Variants in SLC36A2 observed in about 807,000 individuals in gnomAD.
The protein encoded by SLC36A2 is solute carrier family 36 member 2.
A neutral mutation model predicts 42.7 loss-of-function variants in SLC36A2; 39 were observed. That is an observed-to-expected ratio of 0.91 (90% CI 0.71 to 1.19). The LOEUF (loss-of-function observed/expected upper bound fraction) is 1.19, where lower values mean the gene tolerates loss of function less well. Among genes scored for constraint, SLC36A2 ranks in the 50% most tolerant of loss-of-function variants. The probability of loss-of-function intolerance (pLI) is 0.00; values close to 1 mark genes in which losing one functional copy is unlikely to be tolerated. For synonymous variants in SLC36A2, 237 were observed against 240.8 expected (o/e 0.98, Z 0.15); for missense variants, 590 against 613.7 (o/e 0.96, Z 0.41).
chr5:151,318,526 A>AAATG (rs1428987349), intron 9 of SLC36A2, among the ~76,000 whole-genome samples: 1 of 119,370 alleles, frequency 8.4e-6, no homozygotes, highest in African/African-American at 3.8e-5. Flanking sequence ...ATAAAAATAT[A>AAATG]ATAATTATTT....
chr5:151,329,164 A>G (rs1755927688), intron 7 of SLC36A2, among the ~76,000 whole-genome samples: 1 of 152,248 alleles, frequency 6.6e-6, no homozygotes, highest in South Asian at 2.1e-4. Flanking sequence ...GGCTTTGAAA[A>G]CTGAACTACT....
intron 4 of SLC36A2, among the ~76,000 whole-genome samples, chr5:151,341,578 T>G (rs1756346340): frequency 6.6e-6 from 1 of 152,024 alleles, no homozygotes; most frequent in South Asian, 2.1e-4. Flanking sequence ...GGACAAAGGG[T>G]GTTAACCTGT....
At chr5:151,344,998 C>T (rs1010412662) in intron 1 of SLC36A2, among the ~76,000 whole-genome samples, 1 of 152,134 alleles carries the variant, frequency 6.6e-6, no homozygotes, top group Non-Finnish European at 1.5e-5. Context: ...GGCATCAAGG[C>T]TGGAGAGTGC....
At chr5:151,336,696 C>T (rs1756168146) in intron 5 of SLC36A2, among the ~76,000 whole-genome samples, 1 of 150,420 alleles carries the variant, frequency 6.6e-6, no homozygotes, top group Non-Finnish European at 1.5e-5. Context: ...GTCCCCCACC[C>T]CCCCACACAT....
At chr5:151,329,952 G>A (rs1485148372) in intron 7 of SLC36A2, among the ~76,000 whole-genome samples, 1 of 152,134 alleles carries the variant, frequency 6.6e-6, no homozygotes, top group African/African-American at 2.4e-5. Context: ...CATATACTCA[G>A]GTTCTGCAGG....
rs1260524453 is a variant in SLC36A2, at chr5:151,343,545, G to A, written c.309C>T (p.His103=). The change falls in exon 3 of 10, where the codon CAC becomes CAT. Residue 103 remains histidine, a synonymous_variant. Transcript: ENST00000335244. ...AGCGCTGGGCACACTTGACCAGGAT[G>A]TGCATACAGTGGCAGGCAATGAAGC... ...VMGFIACHCM[H]ILVKCAQRFC... 2 of 1,614,098 alleles carry A rather than the reference G, an allele frequency of 1.2e-6. No individual in the cohort carries two copies. Among genetic ancestry groups the A allele is most frequent in the Non-Finnish European group, 1.7e-6 (2 of 1,180,050 alleles).
At chr5:151,347,147 G>C in intron 1 of SLC36A2, 150 bp downstream of exon 1, 1 of 907,920 alleles carries the variant, frequency 1.1e-6, no homozygotes, top group Non-Finnish European at 1.8e-6. Flanking sequence ...TTCTGCCTCA[G>C]CTTGACTCAG....
In SLC36A2 at chr5:151,316,754, A is replaced by AAAAG. The variant is rs2127281366; in HGVS notation, c.*62_*63insCTTT. On this transcript the variant is annotated 3_prime_UTR_variant, in exon 10 of 10. Transcript: ENST00000335244. ...AAACTCCGTCTCAAAAAAAAAAAAA[A>AAAAG]AAAAAAAAAGAGATCCATATAATTA... 2.0e-6 allele frequency: 3 copies of AAAAG among 1,497,346 alleles called. No homozygotes were observed. In the South Asian group the frequency reaches 3.9e-5, roughly 20 times the overall value. The allele number at this position is 1,497,346 out of a possible 1,614,324, so 92.8% of individuals were successfully genotyped here.
chr5:151,321,711 C>T lies in SLC36A2; in HGVS notation c.1180+335G>A, dbSNP rs935782632. 2.1e-5 allele frequency among the ~76,000 whole-genome samples: 3 copies of T among 145,130 alleles called. No homozygotes were observed. In the South Asian group the frequency reaches 6.4e-4, roughly 31 times the overall value. On this transcript the variant is annotated intron_variant, in intron 9 of 9. Coordinates refer to ENST00000335244, the MANE Select transcript of SLC36A2 (RefSeq NM_181776.3). The stretch of plus-strand genomic sequence containing the variant: ...TTTTTTTTTTTTGAGATGAATCTTG[C>T]TCTGTTGCCCAGGCTGGAGTGCAGT...
Position 151,323,498 on chromosome 5 carries a change from C to T in SLC36A2, c.1011-1283G>A, listed in dbSNP as rs114906108. On this transcript the variant is annotated intron_variant, in intron 8 of 9. Transcript: ENST00000335244. ...CTCAACTTAATCCTCATGACAACTC[C>T]AGTTTATAAATGAGGCAACTGAGGT... is the stretch of plus-strand genomic sequence containing the variant. Among the ~76,000 whole-genome samples the T allele has an allele frequency of 3.0e-3, 464 of 152,286 alleles. 3 individuals are homozygous for T. The Middle Eastern group carries it at 0.058, about 19-fold the overall frequency.
chr5:151,339,279 A>T, intron 4 of SLC36A2, 135 bp from the exon 5 acceptor site: 1 of 623,346 alleles, frequency 1.6e-6, no homozygotes, highest in South Asian at 1.5e-5. Context: ...CTTCCACCAC[A>T]ATCAACAATG....
intron 6 of SLC36A2, among the ~76,000 whole-genome samples, chr5:151,333,888 T>C (rs1561657257): frequency 6.6e-6 from 1 of 152,020 alleles, no homozygotes; most frequent in Non-Finnish European, 1.5e-5. Context: ...CACCACAGAT[T>C]AGCACTGACC....
intron 7 of SLC36A2, among the ~76,000 whole-genome samples, chr5:151,326,943 G>C (rs1755869281): frequency 6.6e-6 from 1 of 151,806 alleles, no homozygotes; most frequent in African/African-American, 2.4e-5. Context: ...CTCCTGAGGA[G>C]CTGGGACTAT....
chr5:151,327,842 C>A (rs991131273), intron 7 of SLC36A2, among the ~76,000 whole-genome samples: 1 of 152,100 alleles, frequency 6.6e-6, no homozygotes, highest in Non-Finnish European at 1.5e-5. Context: ...GAGAGTCAGA[C>A]GTACTAGGTT....
chr5:151,318,777 C>G (rs1453689953), intron 9 of SLC36A2, among the ~76,000 whole-genome samples: 2 of 151,872 alleles, frequency 1.3e-5, no homozygotes, highest in Non-Finnish European at 2.9e-5. Flanking sequence ...AAAGAAGTGT[C>G]TTCTCCAGGT....
chr5:151,340,308 C>T (rs554231453), intron 4 of SLC36A2, among the ~76,000 whole-genome samples: 14 of 148,368 alleles, frequency 9.4e-5, no homozygotes, highest in African/African-American at 1.5e-4. Context: ...AAGAAGAAGA[C>T]GAGGAGGAGG....
intron 1 of SLC36A2, among the ~76,000 whole-genome samples, chr5:151,346,794 G>A (rs946519412): frequency 1.3e-5 from 2 of 152,168 alleles, no homozygotes; most frequent in Admixed American, 6.5e-5. Flanking sequence ...TCCACAAAGT[G>A]TGTTTTTTAG....
chr5:151,341,117 TGAGAGG>T (rs1756332457), intron 4 of SLC36A2, among the ~76,000 whole-genome samples: 1 of 152,174 alleles, frequency 6.6e-6, no homozygotes, highest in Non-Finnish European at 1.5e-5. Flanking sequence ...CATTAAATGC[TGAGAGG>T]AAGAACCCAT....
intron 5 of SLC36A2, among the ~76,000 whole-genome samples, chr5:151,337,287 T>G (rs1756187480): frequency 1.3e-5 from 2 of 152,094 alleles, no homozygotes; most frequent in Admixed American, 6.6e-5. Flanking sequence ...TGCCACCACT[T>G]TTTTTCTCTA....
Sources: gnomAD v4.1 joint callset for allele counts (sites outside exome capture counted in the v4.1 genomes callset) on GRCh38, gnomAD v4.1.1 for gene constraint, MANE v1.5 for transcripts, NCBI Gene and HGNC (gene_info 2026-07-23, HGNC 2026-07-21) for gene names.